The following PSMA1 variants were observed in gnomAD, a reference collection of about 807,000 sequenced individuals.
The protein encoded by PSMA1 is proteasome 20S subunit alpha 1.
PSMA1 carries 3 observed loss-of-function variants against 38.4 expected under a neutral mutation model. The ratio of observed to expected loss-of-function variants is 0.08; its 90% CI spans 0.04 to 0.20. PSMA1 has a LOEUF of 0.20. Among genes scored for constraint, PSMA1 ranks in the 10% least tolerant of loss-of-function variants. The probability of loss-of-function intolerance (pLI) is 1.00; values close to 1 mark genes in which losing one functional copy is unlikely to be tolerated. For synonymous variants in PSMA1, 101 were observed against 107.1 expected (o/e 0.94, Z 0.35); for missense variants, 227 against 325.3 (o/e 0.70, Z 2.32).
intron 1 of PSMA1, among the ~76,000 whole-genome samples, chr11:14,642,150 TTCAAA>T (rs1271070908): frequency 2.0e-5 from 3 of 152,198 alleles, no homozygotes; most frequent in Non-Finnish European, 4.4e-5. Flanking sequence ...TGTTCTAATT[TTCAAA>T]TCAATTTATT....
chr11:14,632,305 C>T (rs1389871401), intron 1 of PSMA1, among the ~76,000 whole-genome samples: 6 of 147,282 alleles, frequency 4.1e-5, no homozygotes, highest in East Asian at 2.0e-4. Context: ...TGGCTGGTAC[C>T]GGTTGTTCCT....
intron 2 of PSMA1, among the ~76,000 whole-genome samples, chr11:14,565,595 C>G (rs377363383): frequency 2.0e-5 from 3 of 152,128 alleles, no homozygotes; most frequent in Non-Finnish European, 2.9e-5. Context: ...TAGCTACCTA[C>G]CAAGGAATTC....
At chr11:14,627,221 C>A (rs1325155249) in intron 1 of PSMA1, among the ~76,000 whole-genome samples, 1 of 152,112 alleles carries the variant, frequency 6.6e-6, no homozygotes, top group Non-Finnish European at 1.5e-5. Flanking sequence ...TTTGAATGAA[C>A]ACAGTTTCAT....
At chr11:14,525,160 G>C (rs1407152692), upstream of PSMA1, among the ~76,000 whole-genome samples, 2 of 151,990 alleles carry the variant, frequency 1.3e-5, no homozygotes, top group Non-Finnish European at 2.9e-5. Flanking sequence ...GTGCCAACTT[G>C]GACAACATTC....
chr11:14,594,550 G>A (rs1852462977), intron 2 of PSMA1, among the ~76,000 whole-genome samples: 1 of 152,176 alleles, frequency 6.6e-6, no homozygotes, highest in African/African-American at 2.4e-5. Context: ...TAATGGGGAT[G>A]AGAATATCTG....
At chr11:14,574,431 C>T (rs1447114662) in intron 2 of PSMA1, among the ~76,000 whole-genome samples, 1 of 152,210 alleles carries the variant, frequency 6.6e-6, no homozygotes, top group Non-Finnish European at 1.5e-5. Flanking sequence ...CGGTGTTAAG[C>T]CTGCAGGTGC....
At chr11:14,586,630 T>C (rs773747368) in intron 2 of PSMA1, among the ~76,000 whole-genome samples, 13 of 152,212 alleles carry the variant, frequency 8.5e-5, no homozygotes, top group Non-Finnish European at 1.6e-4. Context: ...TAGTTTTTTC[T>C]GTGTGGAATA....
At chr11:14,556,094 C>T (rs2134170907) in intron 2 of PSMA1, among the ~76,000 whole-genome samples, 1 of 152,236 alleles carries the variant, frequency 6.6e-6, no homozygotes, top group Middle Eastern at 3.4e-3. Flanking sequence ...GGGAATTCCT[C>T]CACATCCCCC....
At chr11:14,585,492 A>G (rs1274411659) in intron 2 of PSMA1, among the ~76,000 whole-genome samples, 2 of 152,202 alleles carry the variant, frequency 1.3e-5, no homozygotes, top group African/African-American at 4.8e-5. Flanking sequence ...CATTAAATAT[A>G]AACTTTTGAG....
At chr11:14,581,864 T>C (rs1211292106) in intron 2 of PSMA1, among the ~76,000 whole-genome samples, 3 of 152,222 alleles carry the variant, frequency 2.0e-5, no homozygotes, top group Non-Finnish European at 4.4e-5. Context: ...AGAAGCAAGA[T>C]GGTTGTTGGC....
At chr11:14,545,054 G>C (rs1180300317) in intron 2 of PSMA1, among the ~76,000 whole-genome samples, 1 of 152,126 alleles carries the variant, frequency 6.6e-6, no homozygotes, top group Admixed American at 6.5e-5. Context: ...ACAGCTAATG[G>C]GTTTCTTTCT....
At chr11:14,566,915 C>T (rs1273026322) in intron 2 of PSMA1, among the ~76,000 whole-genome samples, 1 of 152,174 alleles carries the variant, frequency 6.6e-6, no homozygotes. Flanking sequence ...TGGAGCCAGT[C>T]AGTTCCTCTG....
chr11:14,536,198 A>G (rs1177014994), intron 2 of PSMA1, among the ~76,000 whole-genome samples: 1 of 152,182 alleles, frequency 6.6e-6, no homozygotes, highest in African/African-American at 2.4e-5. Flanking sequence ...AACTGTTATT[A>G]CTAATCCCGG....
intron 8 of PSMA1, among the ~76,000 whole-genome samples, chr11:14,508,172 C>A (rs1227738215): frequency 6.6e-6 from 1 of 152,130 alleles, no homozygotes; most frequent in African/African-American, 2.4e-5. Context: ...TCCCACTATA[C>A]CCATTTCTAC....
chr11:14,586,357 G>A (rs898627988), intron 2 of PSMA1, among the ~76,000 whole-genome samples: 2 of 151,960 alleles, frequency 1.3e-5, no homozygotes, highest in Non-Finnish European at 2.9e-5. Context: ...ACTTGAACCC[G>A]GGAGGCAGAG....
rs1851272330 is a variant in PSMA1 at position 14,507,860 on chromosome 11, T to G, written c.625-94A>C. ...TGGGTGAAAAAAGCAGAATAAGAATTTATATAGCATTTGAATAAAACCTTA... is the reference window on the plus strand; with the variant it reads ...TGGGTGAAAAAAGCAGAATAAGAATGTATATAGCATTTGAATAAAACCTTA... On this transcript the variant is annotated intron_variant, in intron 8 of 9. Transcript: ENST00000396394. The G allele has an allele frequency of 3.6e-6, 3 of 831,850 alleles. No individual in the cohort carries two copies. In the South Asian group the frequency reaches 4.9e-5, roughly 14 times the overall value. 51.5% of individuals were successfully genotyped at this position (831,850 alleles called of 1,614,324 possible).
intron 2 of PSMA1, among the ~76,000 whole-genome samples, chr11:14,578,871 A>G (rs1852250021): frequency 6.6e-6 from 1 of 152,184 alleles, no homozygotes; most frequent in South Asian, 2.1e-4. Context: ...TCTATGCAAC[A>G]TGTGTTGAGT....
intron 2 of PSMA1, among the ~76,000 whole-genome samples, chr11:14,566,176 G>A (rs1852069084): frequency 6.6e-6 from 1 of 152,170 alleles, no homozygotes; most frequent in East Asian, 1.9e-4. Context: ...AGGAGTATAT[G>A]TGAAACAAAG....
intron 4 of PSMA1, among the ~76,000 whole-genome samples, chr11:14,515,032 T>C (rs1851402644): frequency 6.6e-6 from 1 of 152,212 alleles, no homozygotes; most frequent in Admixed American, 6.5e-5. Context: ...TTAAATCTGA[T>C]GAAATTCAAG....
Sources: gnomAD v4.1 joint callset for allele counts (sites outside exome capture counted in the v4.1 genomes callset) on GRCh38, gnomAD v4.1.1 for gene constraint, MANE v1.5 for transcripts, NCBI Gene and HGNC (gene_info 2026-07-23, HGNC 2026-07-21) for gene names.